SMG9: variants seen among roughly 807,000 people sequenced by gnomAD.
SMG9 encodes the protein SMG9 nonsense mediated mRNA decay factor.
Under a neutral mutation model 64.0 loss-of-function variants are expected in SMG9, and 55 were observed. The observed-to-expected ratio is 0.86, with a 90% CI of 0.69 to 1.08. SMG9 has a LOEUF of 1.08. Among genes scored for constraint, SMG9 ranks in the 50% least tolerant of loss-of-function variants. SMG9 has a pLI of 0.00. For missense variants in SMG9, 554 were observed against 681.3 expected (o/e 0.81, Z 2.08); for synonymous variants, 244 against 254.8 (o/e 0.96, Z 0.41).
At chr19:43,739,316 G>A (rs1968773555) in intron 7 of SMG9, among the ~76,000 whole-genome samples, 1 of 152,204 alleles carries the variant, frequency 6.6e-6, no homozygotes, top group Non-Finnish European at 1.5e-5. Context: ...GACTTTACTT[G>A]CATCGATGCA....
chr19:43,740,046 T>A, intron 7 of SMG9, 61 bp downstream of exon 7: 3 of 1,178,308 alleles, frequency 2.5e-6, no homozygotes, highest in Non-Finnish European at 3.8e-6. Context: ...TTAATCACAT[T>A]CCAGGAAGAG....
At chr19:43,750,565 A>G (rs1459489074) in intron 2 of SMG9, 27 bp downstream of exon 2, 1 of 1,592,306 alleles carries the variant, frequency 6.3e-7, no homozygotes, top group Admixed American at 1.7e-5. Context: ...AGATACATGA[A>G]TGCTGCTCCT....
At position 43,747,512 on chromosome 19, in the gene SMG9, G is replaced by A. The variant is rs763986657; in HGVS notation, c.518C>T (p.Pro173Leu). Reference sequence around the variant, plus strand: ...GATGCTGTGCTTCATGCGCTCTGGGGGCAGTAGTTTGGCCTGACCCACGAC... The same window carrying A: ...GATGCTGTGCTTCATGCGCTCTGGGAGCAGTAGTTTGGCCTGACCCACGAC... ...DPVVGQAKLLPPERMKHSIKL... is the reference protein window; with the variant it reads ...DPVVGQAKLLLPERMKHSIKL... Residue 173 changes from proline to leucine, a missense_variant, in exon 5 of 14, where the codon CCC becomes CTC. Pro to Leu is a moderately conservative substitution (Grantham distance 98). Transcript: ENST00000270066. The A allele has an allele frequency of 2.9e-5, 47 of 1,614,182 alleles. No individual in the cohort carries two copies. Among genetic ancestry groups the A allele is most frequent in the South Asian group, 2.5e-4 (23 of 91,084 alleles).
chr19:43,733,595 C>G lies in SMG9; in HGVS notation c.1210+31G>C. 3 of 1,611,826 alleles carry G rather than the reference C, an allele frequency of 1.9e-6. No homozygotes were observed. In the Middle Eastern group the frequency reaches 5.0e-4, roughly 268 times the overall value. ...GTTGGATCAGGAATTAGGAGGCTGA[C>G]TAGCTTGGGGGGTGATGTGGGAACC... On this transcript the variant is annotated intron_variant, in intron 11 of 13. Coordinates refer to ENST00000270066, the MANE Select transcript of SMG9 (RefSeq NM_019108.4).
Position 43,747,732 on chromosome 19 carries a change from C to T in SMG9, c.391G>A (p.Ala131Thr). 6.2e-6 allele frequency: 10 copies of T among 1,610,612 alleles called. No individual in the cohort carries two copies. Among genetic ancestry groups the T allele is most frequent in the Admixed American group, 1.7e-5 (1 of 59,706 alleles). ...CCCTCCTTCTCCCCCTTGGGTGGCG[C>T]AGGGGCTGCAGGGGGTGGTGGGGCG... is the stretch of plus-strand genomic sequence containing the variant. ...GTAPPPPAAP[A>T]PPKGEKEGQR... is the part of the protein sequence containing the mutation. Residue 131 changes from alanine (A) to threonine (T), a missense_variant, in exon 4 of 14, where the codon GCG becomes ACG. Physicochemically the swap from Ala to Thr is moderately conservative, Grantham distance 58. Transcript: ENST00000270066.
chr19:43,747,777 C>T lies in SMG9; in HGVS notation c.346G>A (p.Ala116Thr), dbSNP rs141102123. The change falls in exon 4 of 14, where the codon GCC (alanine) becomes ACC (threonine). Residue 116 changes from alanine to threonine, a missense_variant. Coordinates refer to ENST00000270066, the MANE Select transcript of SMG9 (RefSeq NM_019108.4). Reference sequence around the variant, plus strand: ...GGGGCGGTGCCCTCAGGGGTAGAGGCACCTGTCACGGCCACAGGCCCCTTC... The same window carrying T: ...GGGGCGGTGCCCTCAGGGGTAGAGGTACCTGTCACGGCCACAGGCCCCTTC... Reference protein sequence around the residue: ...EGKGPVAVTGASTPEGTAPPP... With the variant: ...EGKGPVAVTGTSTPEGTAPPP... 7 of 1,607,796 alleles carry T rather than the reference C, an allele frequency of 4.4e-6. No individual in the cohort carries two copies. Among genetic ancestry groups the T allele is most frequent in the Non-Finnish European group, 5.9e-6 (7 of 1,177,434 alleles).
chr19:43,753,292 C>T (rs745897000), intron 1 of SMG9, among the ~76,000 whole-genome samples: 2 of 152,148 alleles, frequency 1.3e-5, no homozygotes, highest in Non-Finnish European at 2.9e-5. Flanking sequence ...ACTCCTCCCT[C>T]ACTTGCAATT....
chr19:43,728,451 A>G lies in SMG9; in HGVS notation c.*3145T>C, dbSNP rs1425707644. On this transcript the variant is annotated 3_prime_UTR_variant, in exon 14 of 14. Transcript: ENST00000270066. Reference sequence around the variant, plus strand: ...GCACCATGCTTCTGGTTCAGCCTGCAGAACTCTGAGCCAATTAAACCCCTT... The same window carrying G: ...GCACCATGCTTCTGGTTCAGCCTGCGGAACTCTGAGCCAATTAAACCCCTT... 3 of 152,580 alleles carry G rather than the reference A, an allele frequency of 2.0e-5. No individual in the cohort carries two copies. The highest frequency in any genetic ancestry group is 4.4e-5 in the Non-Finnish European group (3 of 68,216). The allele number at this position is 152,580 out of a possible 1,614,324, so 9.5% of individuals were successfully genotyped here.
intron 2 of SMG9, chr19:43,748,713 C>T: frequency 1.9e-6 from 1 of 520,204 alleles, no homozygotes; most frequent in Non-Finnish European, 3.8e-6. Flanking sequence ...AAATCTGAGT[C>T]TGAGTCCCGT....
chr19:43,748,797 T>C (rs774323872), intron 2 of SMG9: 9 of 520,048 alleles, frequency 1.7e-5, no homozygotes, highest in Admixed American at 1.9e-5. Flanking sequence ...ACCAATATAC[T>C]GAGGACACTT....
chr19:43,738,092 T>C (rs776494030), intron 8 of SMG9, 30 bp downstream of exon 8: 6 of 1,600,550 alleles, frequency 3.7e-6, no homozygotes, highest in Non-Finnish European at 5.1e-6. Flanking sequence ...ATGTAAAACC[T>C]CAGTCCTGGG....
rs985706188 is a variant in SMG9, at chr19:43,730,699, G to C, written c.*897C>G. 2 of 152,222 alleles carry C rather than the reference G, an allele frequency of 1.3e-5. No homozygotes were observed. Among genetic ancestry groups the C allele is most frequent in the African/African-American group, 2.4e-5 (1 of 41,402 alleles). The allele number at this position is 152,222 out of a possible 1,614,324, so 9.4% of individuals were successfully genotyped here. A position where few individuals can be genotyped will look rare whatever the true frequency, so the allele number is the denominator to read the frequency against. On this transcript the variant is annotated 3_prime_UTR_variant, in exon 14 of 14. Coordinates refer to ENST00000270066, the MANE Select transcript of SMG9 (RefSeq NM_019108.4). ...CCACCTCAGCCTCCCAAGTAGCTAGGATTACAGGCGTGCGCCACCACGCCC... is the reference window on the plus strand; with the variant it reads ...CCACCTCAGCCTCCCAAGTAGCTAGCATTACAGGCGTGCGCCACCACGCCC...
chr19:43,752,254 C>T (rs553013961), intron 1 of SMG9, among the ~76,000 whole-genome samples: 4 of 152,348 alleles, frequency 2.6e-5, no homozygotes, highest in African/African-American at 9.6e-5. Context: ...TATATAATGT[C>T]TGGCTACCTA....
intron 6 of SMG9, among the ~76,000 whole-genome samples, chr19:43,742,398 T>C (rs1968871740): frequency 6.6e-6 from 1 of 152,230 alleles, no homozygotes; most frequent in African/African-American, 2.4e-5. Context: ...ATCAGGCCAC[T>C]ACACTCCAGC....
In SMG9 at chr19:43,747,831, T is replaced by A; in HGVS notation, c.292A>T (p.Ile98Phe). 6.2e-7 allele frequency: 1 copy of A among 1,605,888 alleles called. No homozygotes were observed. The highest frequency in any genetic ancestry group is 8.5e-7 in the Non-Finnish European group (1 of 1,175,536). Residue 98 changes from isoleucine (I) to phenylalanine (F), a missense_variant, in exon 4 of 14, where the codon ATC becomes TTC. By Grantham distance (21) the Ile-to-Phe change is conservative (BLOSUM62 0). Coordinates refer to ENST00000270066, the MANE Select transcript of SMG9 (RefSeq NM_019108.4). ...TCCTCCCGTGGCTTCATGAGAACGA[T>A]GGGCTTCTCCAGAGGGGCTGGAGCA... ...PPAPAPLEKP[I>F]VLMKPREEGK... is the part of the protein sequence containing the mutation.
chr19:43,733,143 A>T (rs1968539807), intron 12 of SMG9, 141 bp from the exon 13 acceptor site: 2 of 1,304,238 alleles, frequency 1.5e-6, no homozygotes, highest in Admixed American at 2.6e-5. Context: ...TCTGAAACAC[A>T]CTCCTAATAA....
chr19:43,741,913 C>T (rs1229362251), intron 6 of SMG9, among the ~76,000 whole-genome samples: 1 of 151,984 alleles, frequency 6.6e-6, no homozygotes, highest in Non-Finnish European at 1.5e-5. Context: ...TTTGGGAGGC[C>T]AAGGTGGGAG....
chr19:43,741,749 A>G (rs919534424), intron 6 of SMG9, among the ~76,000 whole-genome samples: 3 of 152,198 alleles, frequency 2.0e-5, no homozygotes, highest in Non-Finnish European at 1.5e-5. Flanking sequence ...TCCTCCCAGC[A>G]TGCTTTTTCT....
At chr19:43,750,205 CA>C (rs1282470017) in intron 2 of SMG9, 3 of 528,252 alleles carry the variant, frequency 5.7e-6, no homozygotes, top group Middle Eastern at 6.3e-4. Flanking sequence ...TACTTGACTT[CA>C]TCTCCTATCT....
Sources: allele counts gnomAD v4.1 joint callset (sites outside exome capture counted in the v4.1 genomes callset), GRCh38; gene constraint gnomAD v4.1.1; transcripts MANE v1.5; gene names NCBI Gene and HGNC (gene_info 2026-07-23, HGNC 2026-07-21).